FMN2: variants seen among roughly 807,000 people sequenced by gnomAD.
The protein encoded by FMN2 is formin 2, also known as formin-2.
In FMN2, 51 loss-of-function variants were observed where a neutral mutation model predicts 142.3. The ratio of observed to expected loss-of-function variants is 0.36; its 90% CI spans 0.29 to 0.45. The LOEUF is 0.45. FMN2 is among the 20% of genes least tolerant of loss of function. The probability of loss-of-function intolerance (pLI) is 1.00; values close to 1 mark genes in which losing one functional copy is unlikely to be tolerated. For missense variants in FMN2, 1,936 were observed against 2,122.8 expected (o/e 0.91, Z 1.73); for synonymous variants, 882 against 869.8 (o/e 1.01, Z -0.25).
chr1:240,468,206 A>ATATG lies in FMN2; in HGVS notation c.5061-4165_5061-4164insATGT, dbSNP rs374934885. On this transcript the variant is annotated intron_variant, in intron 16 of 17. Transcript: ENST00000319653. ...AATGCATCCACTAAAATATATATAT[A>ATATG]TGTGTGTGTGTGTGTGTGTGTGTGT... is the stretch of plus-strand genomic sequence containing the variant. Among the ~76,000 whole-genome samples, 1,432 of 147,962 alleles carry ATATG rather than the reference A, an allele frequency of 9.7e-3. 35 individuals are homozygous for ATATG. The highest frequency in any genetic ancestry group is 0.029 in the African/African-American group (1,140 of 39,984).
chr1:240,139,154 G>A (rs536702605), intron 2 of FMN2, among the ~76,000 whole-genome samples: 2 of 152,292 alleles, frequency 1.3e-5, no homozygotes, highest in South Asian at 4.1e-4. Context: ...GAGGGTAGAC[G>A]TGAGAAGCCT....
rs932379654 is a variant in FMN2 at position 240,145,254 on chromosome 1, T to C, written c.1782+21909T>C. On this transcript the variant is annotated intron_variant, in intron 2 of 17. Transcript: ENST00000319653. ...TCTTCCTCAGACAGCTCCTGTTCTT[T>C]GTCCTTGTCCCCGGCATCCCGCCGC... The C allele has an allele frequency of 3.4e-6, 5 of 1,470,232 alleles. No homozygotes were observed. The African/African-American group carries it at 6.9e-5, about 20-fold the overall frequency. 91.1% of individuals were successfully genotyped at this position (1,470,232 alleles called of 1,614,324 possible).
chr1:240,202,302 C>T (rs1413711353), intron 4 of FMN2, among the ~76,000 whole-genome samples: 2 of 151,880 alleles, frequency 1.3e-5, no homozygotes, highest in Admixed American at 1.3e-4. Flanking sequence ...TTTTGACTGG[C>T]TATGTAAATT....
chr1:240,301,514 G>T (rs1670195423), intron 8 of FMN2, among the ~76,000 whole-genome samples: 1 of 151,736 alleles, frequency 6.6e-6, no homozygotes, highest in Admixed American at 6.6e-5. Context: ...TTTAGCCTAA[G>T]GAAGTATCTG....
At chr1:240,377,091 A>G (rs1018349111) in intron 14 of FMN2, among the ~76,000 whole-genome samples, 1 of 152,188 alleles carries the variant, frequency 6.6e-6, no homozygotes, top group Non-Finnish European at 1.5e-5. Context: ...ATTGTATTTT[A>G]TATTCATCCT....
At chr1:240,368,446 C>A (rs1672754491) in intron 14 of FMN2, among the ~76,000 whole-genome samples, 1 of 152,098 alleles carries the variant, frequency 6.6e-6, no homozygotes, top group Admixed American at 6.6e-5. Context: ...TGTTTTTGTA[C>A]AAATATTTCT....
chr1:240,285,908 TC>T lies in FMN2; in HGVS notation c.4154-8909del, dbSNP rs141967607. 1.9e-3 allele frequency among the ~76,000 whole-genome samples: 286 copies of T among 152,118 alleles called. 2 individuals carry two copies. The highest frequency in any genetic ancestry group is 5.8e-3 in the Admixed American group (89 of 15,260). On this transcript the variant is annotated intron_variant, in intron 7 of 17. Transcript: ENST00000319653. ...CTGCTTTATTTTTTTTTCCTTTTTT[TC>T]CCCCGCTCTGGTTTCTAACATCCCT...
At chr1:240,108,535 T>G (rs1661694590) in intron 1 of FMN2, among the ~76,000 whole-genome samples, 1 of 152,186 alleles carries the variant, frequency 6.6e-6, no homozygotes, top group South Asian at 2.1e-4. Flanking sequence ...CCTCCTAATA[T>G]TTCAATTGAT....
chr1:240,438,320 A>AC (rs2103180586), intron 16 of FMN2, 110 bp downstream of exon 16: 2 of 1,197,132 alleles, frequency 1.7e-6, no homozygotes, highest in South Asian at 1.5e-5. Context: ...ATGGCCCTCA[A>AC]CCCGGGGTAG....
chr1:240,092,811 G>T lies in FMN2; in HGVS notation c.702G>T (p.Ala234=). 1 of 1,577,782 alleles carries T rather than the reference G, an allele frequency of 6.3e-7. No homozygotes were observed. The highest frequency in any genetic ancestry group is 8.6e-7 in the Non-Finnish European group (1 of 1,162,860). Reference sequence around the variant, plus strand: ...TCCAGGGCGCCGAGGAGCCTGCAGCGCCCCCCACTGCCGTCTCCCCTCAGC... The same window carrying T: ...TCCAGGGCGCCGAGGAGCCTGCAGCTCCCCCCACTGCCGTCTCCCCTCAGC... ...QQLQGAEEPA[A]PPTAVSPQPG... The change falls in exon 1 of 18, where the codon GCG becomes GCT. Residue 234 remains alanine, a synonymous_variant. Coordinates refer to ENST00000319653, the MANE Select transcript of FMN2 (RefSeq NM_020066.5).
At chr1:240,113,226 A>T (rs573694166) in intron 1 of FMN2, among the ~76,000 whole-genome samples, 17 of 152,144 alleles carry the variant, frequency 1.1e-4, no homozygotes, top group African/African-American at 4.1e-4. Flanking sequence ...GGAACCGGGA[A>T]GCCTCTGGTT....
At chr1:240,432,183 T>C (rs1269229811) in intron 15 of FMN2, among the ~76,000 whole-genome samples, 1 of 151,966 alleles carries the variant, frequency 6.6e-6, no homozygotes, top group Non-Finnish European at 1.5e-5. Context: ...TTGAATTGTC[T>C]TAGATTTAGG....
At chr1:240,323,706 C>A (rs1280442149) in intron 8 of FMN2, among the ~76,000 whole-genome samples, 2 of 152,174 alleles carry the variant, frequency 1.3e-5, no homozygotes, top group African/African-American at 4.8e-5. Context: ...TGTCTACTTT[C>A]CTACATTTTC....
intron 13 of FMN2, among the ~76,000 whole-genome samples, chr1:240,338,821 A>G (rs1671652672): frequency 6.6e-6 from 1 of 152,194 alleles, no homozygotes; most frequent in Non-Finnish European, 1.5e-5. Context: ...TTACATTGTA[A>G]TATATAATGA....
chr1:240,143,142 T>C, intron 2 of FMN2: 1 of 1,571,992 alleles, frequency 6.4e-7, no homozygotes, highest in Non-Finnish European at 8.8e-7. Context: ...CTTGGCATGA[T>C]ATTGAGCTAA....
chr1:240,447,431 C>T (rs1675863575), intron 16 of FMN2, among the ~76,000 whole-genome samples: 1 of 152,120 alleles, frequency 6.6e-6, no homozygotes, highest in Admixed American at 6.6e-5. Flanking sequence ...CCAGTAAACA[C>T]ATGAAAAGAT....
chr1:240,229,599 G>A (rs1667468823), intron 6 of FMN2, among the ~76,000 whole-genome samples: 1 of 152,126 alleles, frequency 6.6e-6, no homozygotes, highest in South Asian at 2.1e-4. Context: ...ATGTGATGAT[G>A]CGCCAGGTTT....
intron 14 of FMN2, among the ~76,000 whole-genome samples, chr1:240,390,542 T>C (rs1673571767): frequency 6.6e-6 from 1 of 152,232 alleles, no homozygotes; most frequent in Non-Finnish European, 1.5e-5. Context: ...ATGTGTTTTC[T>C]TTATTGAATA....
chr1:240,461,711 A>G (rs949069438), intron 16 of FMN2, among the ~76,000 whole-genome samples: 23 of 152,138 alleles, frequency 1.5e-4, no homozygotes, highest in African/African-American at 5.5e-4. Flanking sequence ...TGTGGAGTTA[A>G]CCACATCTGG....
Sources: gnomAD v4.1 joint callset for allele counts (sites outside exome capture counted in the v4.1 genomes callset) on GRCh38, gnomAD v4.1.1 for gene constraint, MANE v1.5 for transcripts, NCBI Gene and HGNC (gene_info 2026-07-23, HGNC 2026-07-21) for gene names.